KIRREL3: variants seen among roughly 807,000 people sequenced by gnomAD.
KIRREL3 encodes kin of IRRE-like protein 3.
KIRREL3 carries 36 observed loss-of-function variants against 89.7 expected under a neutral mutation model. That is an observed-to-expected ratio of 0.40 (90% CI 0.31 to 0.53). KIRREL3 has a LOEUF of 0.53. Ranked by LOEUF, KIRREL3 falls within the 20% of genes least tolerant of loss-of-function variation. The pLI is 0.49. For synonymous variants in KIRREL3, 445 were observed against 441.4 expected, an observed-to-expected ratio of 1.01 and a Z score of -0.10; for missense variants, 864 against 1,056.6, an observed-to-expected ratio of 0.82 and a Z score of 2.53.
At chr11:126,442,745 GGC>G (rs1448955596) in intron 10 of KIRREL3, among the ~76,000 whole-genome samples, 1 of 152,250 alleles carries the variant, frequency 6.6e-6, no homozygotes, top group Non-Finnish European at 1.5e-5. Context: ...TTCGCCCCCT[GGC>G]AGGTCTGGTG....
rs544733601 is a variant in KIRREL3 at position 126,729,541 on chromosome 11, T to C, written c.56-166629A>G. ...AGCCTCAGGGAGTGATTACCTGCAA[T>C]ATGCCAGGGTACTGTCCCTGTAAAC... On this transcript the variant is annotated intron_variant, in intron 1 of 16. Transcript: ENST00000525144. This position sits in a 1 kb window ranked among gnomAD's most constrained non-coding sequence, Gnocchi z 4.5. Among the ~76,000 whole-genome samples, 1 of 152,120 alleles carries C rather than the reference T, an allele frequency of 6.6e-6. No homozygotes were observed. The highest frequency in any genetic ancestry group is 1.5e-5 in the Non-Finnish European group (1 of 68,022).
At chr11:126,621,390 CTTG>C in intron 1 of KIRREL3, among the ~76,000 whole-genome samples, 1 of 152,236 alleles carries the variant, frequency 6.6e-6, no homozygotes, top group Admixed American at 6.5e-5. Context: ...CAAGTTTTTG[CTTG>C]TTCTGTGAAG....
At position 126,635,814 on chromosome 11, in the gene KIRREL3, A is replaced by G. The variant is rs2134905104; in HGVS notation, c.56-72902T>C. 6.6e-6 allele frequency among the ~76,000 whole-genome samples: 1 copy of G among 152,358 alleles called. No homozygotes were observed. Among genetic ancestry groups the G allele is most frequent in the South Asian group, 2.1e-4 (1 of 4,832 alleles). ...GATTGGTATAAAAATACCAGGTAAAAGGCAGAGTGTGTCCCATGAATGAGA... is the reference window on the plus strand; with the variant it reads ...GATTGGTATAAAAATACCAGGTAAAGGGCAGAGTGTGTCCCATGAATGAGA... On this transcript the variant is annotated intron_variant, in intron 1 of 16. Coordinates refer to ENST00000525144, the MANE Select transcript of KIRREL3 (RefSeq NM_032531.4). This position sits in a 1 kb window ranked among gnomAD's most constrained non-coding sequence, Gnocchi z 4.0.
At chr11:126,675,909 T>C (rs1375206293) in intron 1 of KIRREL3, among the ~76,000 whole-genome samples, 2 of 152,048 alleles carry the variant, frequency 1.3e-5, no homozygotes, top group Non-Finnish European at 2.9e-5. Context: ...GAGGAAGCTG[T>C]TTAATAGGCA....
In KIRREL3 at chr11:126,683,441, G is replaced by A. The variant is rs574872742; in HGVS notation, c.56-120529C>T. 2.0e-5 allele frequency among the ~76,000 whole-genome samples: 3 copies of A among 152,164 alleles called. No homozygotes were observed. Among genetic ancestry groups the A allele is most frequent in the African/African-American group, 4.8e-5 (2 of 41,434 alleles). On this transcript the variant is annotated intron_variant, in intron 1 of 16. Transcript: ENST00000525144. This position sits in a 1 kb window ranked among gnomAD's most constrained non-coding sequence, Gnocchi z 5.2. ...TGTCCCATCCAACTCTGAGAAATGGGTCTGGGCATCCACTGCTTTCACCGA... is the reference window on the plus strand; with the variant it reads ...TGTCCCATCCAACTCTGAGAAATGGATCTGGGCATCCACTGCTTTCACCGA...
chr11:126,846,093 T>C (rs1257822271), intron 1 of KIRREL3, among the ~76,000 whole-genome samples: 1 of 152,238 alleles, frequency 6.6e-6, no homozygotes, highest in Non-Finnish European at 1.5e-5. Context: ...TATCAGAAAT[T>C]ACTTTGCATT....
At position 126,924,448 on chromosome 11, in the gene KIRREL3, A is replaced by T. The variant is rs1726812043; in HGVS notation, c.55+76007T>A. On this transcript the variant is annotated intron_variant, in intron 1 of 16. Coordinates refer to ENST00000525144, the MANE Select transcript of KIRREL3 (RefSeq NM_032531.4). This position sits in a 1 kb window ranked among gnomAD's most constrained non-coding sequence, Gnocchi z 4.7. ...AAAATAATTGGGATCTAAAATAAAG[A>T]GGATTTCCAGGCACACGGGAAGTCT... 6.6e-6 allele frequency among the ~76,000 whole-genome samples: 1 copy of T among 152,174 alleles called. No homozygotes were observed.
intron 1 of KIRREL3, among the ~76,000 whole-genome samples, chr11:126,853,296 A>G (rs1321083415): frequency 6.6e-6 from 1 of 152,210 alleles, no homozygotes; most frequent in Non-Finnish European, 1.5e-5. Context: ...GGCATATAGG[A>G]AACTTGGCTT....
In KIRREL3 at chr11:126,947,424, G is replaced by A. The variant is rs577876059; in HGVS notation, c.55+53031C>T. 1.1e-4 allele frequency among the ~76,000 whole-genome samples: 16 copies of A among 152,332 alleles called. No individual in the cohort carries two copies. The East Asian group carries it at 2.7e-3, about 26-fold the overall frequency. ...ATTTGCTGCACTACTCAGAGCAGAC[G>A]TAGTGACCAGGAATTCAAGACCAAC... On this transcript the variant is annotated intron_variant, in intron 1 of 16. Transcript: ENST00000525144.
rs928066267 is a variant in KIRREL3, at chr11:126,780,521, G to T, written c.56-217609C>A. Reference sequence around the variant, plus strand: ...GATTTGCTTGGCTTCTTTGAAAAATGAATTTGGGGGCTGAGATTTCTCATC... The same window carrying T: ...GATTTGCTTGGCTTCTTTGAAAAATTAATTTGGGGGCTGAGATTTCTCATC... On this transcript the variant is annotated intron_variant, in intron 1 of 16. Transcript: ENST00000525144. This position sits in a 1 kb window ranked among gnomAD's most constrained non-coding sequence, Gnocchi z 5.3. 2.0e-5 allele frequency among the ~76,000 whole-genome samples: 3 copies of T among 152,238 alleles called. No individual in the cohort carries two copies. Among genetic ancestry groups the T allele is most frequent in the African/African-American group, 7.2e-5 (3 of 41,460 alleles).
In KIRREL3 at chr11:126,550,634, G is replaced by A. The variant is rs1347676335; in HGVS notation, c.133+12201C>T. 6.6e-6 allele frequency: 1 copy of A among 151,340 alleles called. No homozygotes were observed. The highest frequency in any genetic ancestry group is 6.6e-5 in the Admixed American group (1 of 15,172). The allele number at this position is 151,340 out of a possible 1,614,324, so 9.4% of individuals were successfully genotyped here. Reference sequence around the variant, plus strand: ...TTGCATTCCAGCCTGGGCAACAAGAGCGAAACTCCGTCTCTGTCTCGAGAG... The same window carrying A: ...TTGCATTCCAGCCTGGGCAACAAGAACGAAACTCCGTCTCTGTCTCGAGAG... On this transcript the variant is annotated intron_variant, in intron 2 of 16. Coordinates refer to ENST00000525144, the MANE Select transcript of KIRREL3 (RefSeq NM_032531.4). This position sits in a 1 kb window ranked among gnomAD's most constrained non-coding sequence, Gnocchi z 4.9.
chr11:126,516,938 G>C lies in KIRREL3; in HGVS notation c.433+4377C>G, dbSNP rs942434704. On this transcript the variant is annotated intron_variant, in intron 4 of 16. Transcript: ENST00000525144. This position sits in a 1 kb window ranked among gnomAD's most constrained non-coding sequence, Gnocchi z 4.9. The stretch of plus-strand genomic sequence containing the variant: ...CTAAAAATACAAAAATTAGCCAGGC[G>C]TGGTGGCACGTGCCTGTAATCCCAG... Among the ~76,000 whole-genome samples, 3 of 152,096 alleles carry C rather than the reference G, an allele frequency of 2.0e-5. No homozygotes were observed. Among genetic ancestry groups the C allele is most frequent in the African/African-American group, 7.2e-5 (3 of 41,410 alleles).
Position 126,578,683 on chromosome 11 carries a change from C to A in KIRREL3, c.56-15771G>T, listed in dbSNP as rs546043745. On this transcript the variant is annotated intron_variant, in intron 1 of 16. Transcript: ENST00000525144. This position sits in a 1 kb window ranked among gnomAD's most constrained non-coding sequence, Gnocchi z 4.9. ...CCGCCTCACACCCATGGAGAGTTCT[C>A]GCAATGGGTATGGCAAACTTCCTGA... is the stretch of plus-strand genomic sequence containing the variant. 6.6e-6 allele frequency among the ~76,000 whole-genome samples: 1 copy of A among 152,140 alleles called. No homozygotes were observed. The highest frequency in any genetic ancestry group is 2.4e-5 in the African/African-American group (1 of 41,426).
At chr11:126,481,856 T>A (rs1957226194) in intron 4 of KIRREL3, among the ~76,000 whole-genome samples, 1 of 152,194 alleles carries the variant, frequency 6.6e-6, no homozygotes, top group South Asian at 2.1e-4. Context: ...TGTCTAGCAT[T>A]CCTCTGTTTC....
Position 126,445,061 on chromosome 11 carries a change from C to T in KIRREL3, c.1170G>A (p.Gln390=). 1.2e-6 allele frequency: 2 copies of T among 1,614,044 alleles called. No individual in the cohort carries two copies. ...GGCACACGTACTTGCCCGCGTCCTC[C>T]TGGCGCACGGATTTGAGGGTCAGGG... ...EKTLTLKSVR[Q]EDAGKYVCRA... is the part of the protein sequence containing the mutation. The change falls in exon 10 of 17, where the codon CAG becomes CAA. Residue 390 remains glutamine, a synonymous_variant. Coordinates refer to ENST00000525144, the MANE Select transcript of KIRREL3 (RefSeq NM_032531.4).
At position 126,537,185 on chromosome 11, in the gene KIRREL3, G is replaced by A. The variant is rs1937965396; in HGVS notation, c.134-10498C>T. 6.6e-6 allele frequency among the ~76,000 whole-genome samples: 1 copy of A among 152,168 alleles called. No homozygotes were observed. The highest frequency in any genetic ancestry group is 6.5e-5 in the Admixed American group (1 of 15,278). ...AAATGCTTGTCCTTGCTTCTAAGGA[G>A]CCTGGTGCTGACACATGCACACACC... On this transcript the variant is annotated intron_variant, in intron 2 of 16. Coordinates refer to ENST00000525144, the MANE Select transcript of KIRREL3 (RefSeq NM_032531.4). This position sits in a 1 kb window ranked among gnomAD's most constrained non-coding sequence, Gnocchi z 4.3.
At chr11:126,973,098 A>AG (rs202114032) in intron 1 of KIRREL3, among the ~76,000 whole-genome samples, 9 of 55,014 alleles carry the variant, frequency 1.6e-4, no homozygotes, top group Admixed American at 9.0e-4. Flanking sequence ...CTAAGTTTTG[A>AG]GGAAAAAAAA....
In KIRREL3 at chr11:126,550,800, C is replaced by T. The variant is rs556786917; in HGVS notation, c.133+12035G>A. 4.6e-5 allele frequency: 7 copies of T among 152,366 alleles called. No homozygotes were observed. The highest frequency in any genetic ancestry group is 1.7e-4 in the African/African-American group (7 of 41,598). 9.4% of individuals were successfully genotyped at this position (152,366 alleles called of 1,614,324 possible). A position where few individuals can be genotyped will look rare whatever the true frequency, so the allele number is the denominator to read the frequency against. On this transcript the variant is annotated intron_variant, in intron 2 of 16. Coordinates refer to ENST00000525144, the MANE Select transcript of KIRREL3 (RefSeq NM_032531.4). The surrounding 1 kb of genome is among the most constrained non-coding windows in gnomAD (Gnocchi z 4.9). ...TCTACACTCACCACAACAGTCCACA[C>T]AGGAGACCTCTGTGGCCAAACAGGT...
rs961324982 is a variant in KIRREL3 at position 126,812,036 on chromosome 11, T to C, written c.55+188419A>G. On this transcript the variant is annotated intron_variant, in intron 1 of 16. Coordinates refer to ENST00000525144, the MANE Select transcript of KIRREL3 (RefSeq NM_032531.4). This position sits in a 1 kb window ranked among gnomAD's most constrained non-coding sequence, Gnocchi z 5.2. ...TTGTTGGTGGCAAATATGAGCAGGT[T>C]AAGGCACTTTTCGGGATTAGAGAAT... Among the ~76,000 whole-genome samples, 3 of 152,216 alleles carry C rather than the reference T, an allele frequency of 2.0e-5. No individual in the cohort carries two copies. The highest frequency in any genetic ancestry group is 4.4e-5 in the Non-Finnish European group (3 of 68,046).
Sources: allele counts gnomAD v4.1 joint callset (sites outside exome capture counted in the v4.1 genomes callset), GRCh38; gene constraint gnomAD v4.1.1; non-coding constraint Gnocchi (gnomAD v3.1); transcripts MANE v1.5; gene names NCBI Gene and HGNC (gene_info 2026-07-23, HGNC 2026-07-21).